DTNB: variants seen among roughly 807,000 people sequenced by gnomAD.
DTNB encodes dystrobrevin beta.
Under a neutral mutation model 90.7 loss-of-function variants are expected in DTNB, and 63 were observed. The observed-to-expected ratio is 0.69, with a 90% CI of 0.57 to 0.86. DTNB has a LOEUF of 0.86. Ranked by LOEUF, DTNB falls within the 40% of genes least tolerant of loss-of-function variation. The pLI, the probability that DTNB is intolerant of heterozygous loss-of-function variation, is 0.00. For synonymous variants in DTNB, 277 were observed against 286.7 expected (o/e 0.97, Z 0.34); for missense variants, 744 against 807.1 (o/e 0.92, Z 0.95).
chr2:25,520,864 GTAATTACAGTTTTA>G (rs1181109049), intron 9 of DTNB, among the ~76,000 whole-genome samples: 13 of 152,142 alleles, frequency 8.5e-5, no homozygotes. Context: ...AAGTATTACT[GTAATTACAGTTTTA>G]TAATTACAGT....
At chr2:25,507,365 A>G (rs1050207921) in intron 9 of DTNB, among the ~76,000 whole-genome samples, 7 of 152,186 alleles carry the variant, frequency 4.6e-5, no homozygotes, top group African/African-American at 1.4e-4. Flanking sequence ...CACTCCAGAC[A>G]TACAAACTCC....
intron 20 of DTNB, among the ~76,000 whole-genome samples, chr2:25,378,267 G>C (rs1485799878): frequency 6.6e-6 from 1 of 152,200 alleles, no homozygotes; most frequent in East Asian, 1.9e-4. Context: ...AGTGAGTTTA[G>C]GGAGAAGCCT....
At position 25,387,457 on chromosome 2, in the gene DTNB, T is replaced by C. The variant is rs2039814946; in HGVS notation, c.1736-79A>G. On this transcript the variant is annotated intron_variant, in intron 17 of 20. Coordinates refer to ENST00000406818, the MANE Select transcript of DTNB (RefSeq NM_021907.5). This position sits in a 1 kb window ranked among gnomAD's most constrained non-coding sequence, Gnocchi z 4.5. Reference sequence around the variant, plus strand: ...GACGGCTGAGCAAATGCCTCAGTTCTGCCAGGCCCGAGAACACAGGTGTGG... The same window carrying C: ...GACGGCTGAGCAAATGCCTCAGTTCCGCCAGGCCCGAGAACACAGGTGTGG... 7 of 1,378,346 alleles carry C rather than the reference T, an allele frequency of 5.1e-6. No homozygotes were observed. Among genetic ancestry groups the C allele is most frequent in the African/African-American group, 1.4e-5 (1 of 70,524 alleles). The allele number at this position is 1,378,346 out of a possible 1,614,324, so 85.4% of individuals were successfully genotyped here.
At chr2:25,517,741 T>C (rs1558848709) in intron 9 of DTNB, among the ~76,000 whole-genome samples, 1 of 152,216 alleles carries the variant, frequency 6.6e-6, no homozygotes, top group Non-Finnish European at 1.5e-5. Context: ...ATAACAGCAC[T>C]ATTCACAATA....
chr2:25,415,249 T>C (rs1210956434), intron 16 of DTNB, among the ~76,000 whole-genome samples: 15 of 149,152 alleles, frequency 1.0e-4, no homozygotes, highest in African/African-American at 3.7e-4. Flanking sequence ...AGCTTCTTTT[T>C]TTTTTTTTTT....
chr2:25,516,366 C>A (rs1294915702), intron 9 of DTNB, among the ~76,000 whole-genome samples: 1 of 151,772 alleles, frequency 6.6e-6, no homozygotes, highest in East Asian at 1.9e-4. Flanking sequence ...TCTACCTCAG[C>A]CACCTGAGTA....
intron 8 of DTNB, among the ~76,000 whole-genome samples, chr2:25,560,498 C>T (rs748070181): frequency 2.6e-5 from 4 of 152,038 alleles, no homozygotes; most frequent in African/African-American, 9.7e-5. Flanking sequence ...TGTCTTCAAA[C>T]GTCTGCCTTT....
chr2:25,429,521 G>A (rs1203382012), intron 14 of DTNB, among the ~76,000 whole-genome samples: 1 of 152,042 alleles, frequency 6.6e-6, no homozygotes, highest in Non-Finnish European at 1.5e-5. Flanking sequence ...CATCACTGTC[G>A]GGAAGCTGCT....
chr2:25,425,709 A>G (rs2051328261), intron 15 of DTNB, among the ~76,000 whole-genome samples: 1 of 152,210 alleles, frequency 6.6e-6, no homozygotes, highest in Admixed American at 6.5e-5. Flanking sequence ...TGTTAACTCG[A>G]TATCATACTA....
Position 25,628,226 on chromosome 2 carries a change from T to A in DTNB, c.307A>T (p.Ser103Cys). The change falls in exon 4 of 21, where the codon AGT (serine) becomes TGT (cysteine). Residue 103 changes from serine to cysteine, a missense_variant. Ser to Cys is a moderately radical substitution (Grantham distance 112, BLOSUM62 -1). Coordinates refer to ENST00000406818, the MANE Select transcript of DTNB (RefSeq NM_021907.5). ...AGGAGGCTGATAGATTGTTCCACAC[T>A]AATTTGGTGAGTAGAAGGAAGGCGC... The part of the protein sequence containing the change: ...NKRLPSTHQI[S>C]VEQSISLLLN... 1.9e-6 allele frequency: 3 copies of A among 1,613,548 alleles called. No homozygotes were observed. Among genetic ancestry groups the A allele is most frequent in the Non-Finnish European group, 2.5e-6 (3 of 1,179,870 alleles).
rs1166812119 is a variant in DTNB, at chr2:25,482,876, G to A, written c.1002-3C>T. On this transcript the variant is annotated splice_region_variant and splice_polypyrimidine_tract_variant and intron_variant, in intron 9 of 20. Transcript: ENST00000406818. ...TATTAGTCAGAGGGCGAGGAGGACT[G>A]AAAGAAAAGACATTTACCTTATATT... The A allele has an allele frequency of 1.3e-6, 2 of 1,597,282 alleles. No homozygotes were observed. The highest frequency in any genetic ancestry group is 1.7e-6 in the Non-Finnish European group (2 of 1,173,854).
intron 8 of DTNB, among the ~76,000 whole-genome samples, chr2:25,560,094 C>A (rs939567088): frequency 6.6e-6 from 1 of 152,284 alleles, no homozygotes; most frequent in East Asian, 1.9e-4. Context: ...ACTAAAAATA[C>A]AAAAATTAGC....
intron 1 of DTNB, among the ~76,000 whole-genome samples, chr2:25,657,297 AAAT>A (rs2082248621): frequency 6.6e-6 from 1 of 152,262 alleles, no homozygotes; most frequent in South Asian, 2.1e-4. Context: ...ATAAAAAAAA[AAAT>A]AGTTAGATTT....
intron 8 of DTNB, among the ~76,000 whole-genome samples, chr2:25,575,518 C>G (rs2060526898): frequency 6.6e-6 from 1 of 151,372 alleles, no homozygotes; most frequent in Admixed American, 6.6e-5. Context: ...AGAAACCTAT[C>G]TAGGAAAAAA....
In DTNB at chr2:25,420,470, CT is replaced by C. The variant is rs1574141702; in HGVS notation, c.1555-936del. ...AATGGTCTCTGTCATCTAAATCAAT[CT>C]ATCTATCTATCTATCTATCTATCTA... On this transcript the variant is annotated intron_variant, in intron 15 of 20. Coordinates refer to ENST00000406818, the MANE Select transcript of DTNB (RefSeq NM_021907.5). Among the ~76,000 whole-genome samples, 207 of 39,546 alleles carry C rather than the reference CT, an allele frequency of 5.2e-3. 1 individual carries two copies. Among genetic ancestry groups the C allele is most frequent in the East Asian group, 0.015 (36 of 2,410 alleles). The allele number at this position is 39,546 out of a possible 152,430, so 25.9% of individuals were successfully genotyped here. A position where few individuals can be genotyped will look rare whatever the true frequency, so the allele number is the denominator to read the frequency against.
At chr2:25,520,668 A>C (rs2075983535) in intron 9 of DTNB, among the ~76,000 whole-genome samples, 1 of 152,250 alleles carries the variant, frequency 6.6e-6, no homozygotes, top group East Asian at 1.9e-4. Context: ...AAAGTTCATA[A>C]GCACTGATAG....
At chr2:25,459,902 G>C (rs2060665452) in intron 10 of DTNB, among the ~76,000 whole-genome samples, 1 of 152,142 alleles carries the variant, frequency 6.6e-6, no homozygotes, top group African/African-American at 2.4e-5. Flanking sequence ...GAGCCCAGGA[G>C]TTAAGAGAAC....
chr2:25,409,671 G>A (rs1189819146), intron 16 of DTNB, among the ~76,000 whole-genome samples: 1 of 152,080 alleles, frequency 6.6e-6, no homozygotes, highest in Non-Finnish European at 1.5e-5. Flanking sequence ...CAAATTCATG[G>A]GCTTCCTTGT....
In DTNB at chr2:25,596,116, C is replaced by T; in HGVS notation, c.573G>A (p.Glu191=). Residue 191 remains glutamate (E), a synonymous_variant, in exon 6 of 21, where the codon GAG becomes GAA. Transcript: ENST00000406818. ...GTGGAAAACAGGTGCGGACTGAGTGCTCTGTGTAACCAAAAGATGGCCCTT... is the reference window on the plus strand; with the variant it reads ...GTGGAAAACAGGTGCGGACTGAGTGTTCTGTGTAACCAAAAGATGGCCCTT... ...VFEGPSFGYT[E]HSVRTCFPQQ... 4 of 1,612,694 alleles carry T rather than the reference C, an allele frequency of 2.5e-6. No individual in the cohort carries two copies. Among genetic ancestry groups the T allele is most frequent in the Non-Finnish European group, 2.5e-6 (3 of 1,179,386 alleles).
Sources: gnomAD v4.1 joint callset for allele counts (sites outside exome capture counted in the v4.1 genomes callset) on GRCh38, gnomAD v4.1.1 for gene constraint, Gnocchi (gnomAD v3.1) non-coding constraint, MANE v1.5 for transcripts, NCBI Gene and HGNC (gene_info 2026-07-23, HGNC 2026-07-21) for gene names.